H2BC5: variants seen among roughly 807,000 people sequenced by gnomAD.
The protein encoded by H2BC5 is H2B clustered histone 5.
A neutral mutation model predicts 5.7 loss-of-function variants in H2BC5; 9 were observed. That is an observed-to-expected ratio of 1.57 (90% CI 0.95 to 2.74). The LOEUF is 2.74. H2BC5 is among the 30% of genes most tolerant of loss of function. The probability of loss-of-function intolerance (pLI) is 0.00; values close to 1 mark genes in which losing one functional copy is unlikely to be tolerated. For missense variants in H2BC5, 175 were observed against 168.8 expected (o/e 1.04, Z -0.20); for synonymous variants, 133 against 70.9 (o/e 1.88, Z -4.40).
chr6:26,171,251 T>A (rs920158331), exon 2 of H2BC5: 2 of 152,194 alleles, frequency 1.3e-5, no homozygotes, highest in Non-Finnish European at 2.9e-5. Context: ...ATTCATTACT[T>A]GCCATGGACT....
At chr6:26,167,189 G>C (rs1360245738) in intron 1 of H2BC5, among the ~76,000 whole-genome samples, 2 of 151,686 alleles carry the variant, frequency 1.3e-5, no homozygotes, top group African/African-American at 2.4e-5. Flanking sequence ...GGGGCCATCA[G>C]GGCTAGCTAC....
At chr6:26,169,094 A>T (rs763864494) in intron 1 of H2BC5, among the ~76,000 whole-genome samples, 1 of 152,232 alleles carries the variant, frequency 6.6e-6, no homozygotes, top group Admixed American at 6.5e-5. Context: ...CTAAGTTAAT[A>T]ATTTAATATA....
chr6:26,165,486 G>A (rs773273819), intron 1 of H2BC5, among the ~76,000 whole-genome samples: 7 of 152,086 alleles, frequency 4.6e-5, no homozygotes, highest in Non-Finnish European at 5.9e-5. Flanking sequence ...GTCAGGCCCC[G>A]TCCTGCCGTG....
downstream of H2BC5, among the ~76,000 whole-genome samples, chr6:26,159,261 T>G (rs867165516): frequency 3.4e-3 from 489 of 143,366 alleles, 4 homozygotes; most frequent in Non-Finnish European, 5.4e-3. Context: ...TTTTTTTTTT[T>G]TTTTTTTTTT....
Position 26,158,373 on chromosome 6 carries a change from C to A in H2BC5, c.204C>A (p.Asn68Lys). The change falls in exon 1 of 1, where the codon AAC becomes AAA. Residue 68 changes from asparagine (N) to lysine (K), a missense_variant. Asn to Lys is a moderately conservative substitution (Grantham distance 94, BLOSUM62 0). Around this residue, in one of 4 missense-constraint regions of H2BC5, gnomAD observed 4 missense variants for 16.9 expected, o/e 0.24. Transcript: ENST00000377777. ...KAMGIMNSFVNDIFERIAGEA... is the reference protein window; with the variant it reads ...KAMGIMNSFVKDIFERIAGEA... ...TGGGGATCATGAATTCCTTCGTCAA[C>A]GACATCTTCGAGCGCATCGCAGGCG... 1 of 1,614,278 alleles carries A rather than the reference C, an allele frequency of 6.2e-7. No individual in the cohort carries two copies. Among genetic ancestry groups the A allele is most frequent in the African/African-American group, 1.3e-5 (1 of 75,070 alleles).
At chr6:26,169,912 AAAAAAG>A (rs1364713098) in intron 1 of H2BC5, among the ~76,000 whole-genome samples, 2 of 152,170 alleles carry the variant, frequency 1.3e-5, no homozygotes, top group Non-Finnish European at 2.9e-5. Context: ...AAAAAAAGAA[AAAAAAG>A]AAAAAGAAAA....
intron 1 of H2BC5, among the ~76,000 whole-genome samples, chr6:26,165,646 T>G (rs1039615343): frequency 1.2e-4 from 18 of 152,190 alleles, no homozygotes; most frequent in African/African-American, 4.1e-4. Flanking sequence ...CAGCTGAGGC[T>G]TGGAAATGTT....
intron 1 of H2BC5, among the ~76,000 whole-genome samples, chr6:26,166,657 T>G (rs542085235): frequency 2.0e-5 from 3 of 151,070 alleles, no homozygotes; most frequent in Admixed American, 2.0e-4. Context: ...CAACATAGAT[T>G]GGTGGTCGGC....
At chr6:26,160,514 GAAAAAA>G (rs34183291), downstream of H2BC5, among the ~76,000 whole-genome samples, 100 of 55,172 alleles carry the variant, frequency 1.8e-3, no homozygotes, top group Admixed American at 0.011. Context: ...TCCTGTCTCT[GAAAAAA>G]AAAAAAAAAA....
At chr6:26,168,096 T>A (rs547026068) in intron 1 of H2BC5, among the ~76,000 whole-genome samples, 134 of 152,230 alleles carry the variant, frequency 8.8e-4, no homozygotes, top group Admixed American at 2.5e-3. Flanking sequence ...ATTATAGTCC[T>A]GCTTTAGTCC....
At chr6:26,165,174 A>G (rs1240589626) in intron 1 of H2BC5, among the ~76,000 whole-genome samples, 1 of 152,178 alleles carries the variant, frequency 6.6e-6, no homozygotes, top group Non-Finnish European at 1.5e-5. Flanking sequence ...GTTTTTGGAA[A>G]TATTTTTAAG....
chr6:26,171,076 T>C (rs143728796), exon 2 of H2BC5: 19 of 152,322 alleles, frequency 1.2e-4, no homozygotes, highest in African/African-American at 4.6e-4. Flanking sequence ...AAAATGACTG[T>C]GTGGATCCCA....
At chr6:26,163,650 A>G (rs1764381518) in intron 1 of H2BC5, 1 of 152,590 alleles carries the variant, frequency 6.6e-6, no homozygotes, top group Non-Finnish European at 1.5e-5. Context: ...GTAACTGATT[A>G]TCTTCAAAAC....
downstream of H2BC5, among the ~76,000 whole-genome samples, chr6:26,161,919 A>G (rs1291416117): frequency 6.6e-6 from 1 of 152,208 alleles, no homozygotes; most frequent in Admixed American, 6.5e-5. Context: ...ATTTTCTAGA[A>G]TGGATGGATT....
At chr6:26,164,956 C>A (rs1018188698) in intron 1 of H2BC5, among the ~76,000 whole-genome samples, 1 of 152,072 alleles carries the variant, frequency 6.6e-6, no homozygotes, top group African/African-American at 2.4e-5. Flanking sequence ...AGCCTCTCCT[C>A]ACTCCCCTCT....
At position 26,158,293 on chromosome 6, in the gene H2BC5, G is replaced by T; in HGVS notation, c.124G>T (p.Val42Leu). The T allele has an allele frequency of 1.2e-6, 2 of 1,614,264 alleles. No individual in the cohort carries two copies. The highest frequency in any genetic ancestry group is 1.7e-6 in the Non-Finnish European group (2 of 1,180,058). Residue 42 changes from valine to leucine, a missense_variant, in exon 1 of 1, where the codon GTG (valine) becomes TTG (leucine). This residue lies in a region of H2BC5 where 119 missense variants were observed against 85.6 expected (regional missense o/e 1.39). Transcript: ENST00000377777. ...CCGCAAGGAGAGCTATTCAGTGTAT[G>T]TGTACAAGGTGCTGAAGCAGGTCCA... ...RSRKESYSVY[V>L]YKVLKQVHPD... is the part of the protein sequence containing the mutation.
chr6:26,163,091 T>C (rs1233377296), downstream of H2BC5, among the ~76,000 whole-genome samples: 1 of 151,478 alleles, frequency 6.6e-6, no homozygotes, highest in Non-Finnish European at 1.5e-5. Flanking sequence ...TTTTTTCCAT[T>C]TCTATTTGCA....
chr6:26,160,373 T>G (rs1764332135), downstream of H2BC5, among the ~76,000 whole-genome samples: 1 of 151,992 alleles, frequency 6.6e-6, no homozygotes, highest in South Asian at 2.1e-4. Flanking sequence ...TTAAACATCA[T>G]GAAACTAGAA....
chr6:26,168,183 G>T (rs74419836), intron 1 of H2BC5, among the ~76,000 whole-genome samples: 1 of 151,954 alleles, frequency 6.6e-6, no homozygotes, highest in East Asian at 1.9e-4. Context: ...CTTGGGCCAG[G>T]CCCAGTGGCT....
Sources: allele counts gnomAD v4.1 joint callset (sites outside exome capture counted in the v4.1 genomes callset), GRCh38; gene constraint gnomAD v4.1.1; regional missense constraint gnomAD v4.1.1; transcripts MANE v1.5; gene names NCBI Gene and HGNC (gene_info 2026-07-23, HGNC 2026-07-21).